The following IFNG-AS1 variants were observed in gnomAD, a reference collection of about 807,000 sequenced individuals.
The protein encoded by IFNG-AS1 is IFNG antisense RNA 1 (non-protein coding).
intron 2 of IFNG-AS1, among the ~76,000 whole-genome samples, chr12:67,997,678 C>T (rs1304042624): frequency 5.3e-5 from 8 of 150,476 alleles, no homozygotes; most frequent in African/African-American, 1.9e-4. Flanking sequence ...AATTTTAATG[C>T]ATGGCAAAAA....
chr12:67,998,716 T>C (rs1457966763), intron 2 of IFNG-AS1, among the ~76,000 whole-genome samples: 1 of 152,066 alleles, frequency 6.6e-6, no homozygotes, highest in Non-Finnish European at 1.5e-5. Context: ...CCTAACTCAA[T>C]TACAAACCAC....
chr12:67,999,112 T>C (rs1879708083), intron 2 of IFNG-AS1, among the ~76,000 whole-genome samples: 1 of 151,994 alleles, frequency 6.6e-6, no homozygotes, highest in African/African-American at 2.4e-5. Context: ...TGATAGATAA[T>C]AGATAATAGA....
intron 2 of IFNG-AS1, among the ~76,000 whole-genome samples, chr12:68,003,896 C>T (rs1287790368): frequency 7.1e-6 from 1 of 141,252 alleles, no homozygotes; most frequent in African/African-American, 2.6e-5. Flanking sequence ...GAGAGTGAGA[C>T]TCCGTCTCCA....
chr12:68,012,802 A>G (rs1378397263), intron 3 of IFNG-AS1, among the ~76,000 whole-genome samples: 1 of 152,226 alleles, frequency 6.6e-6, no homozygotes, highest in African/African-American at 2.4e-5. Flanking sequence ...AGCGATGCAT[A>G]GAGTTCAGGA....
At chr12:67,998,797 GTAT>G (rs1182955373) in intron 2 of IFNG-AS1, among the ~76,000 whole-genome samples, 1 of 152,036 alleles carries the variant, frequency 6.6e-6, no homozygotes, top group Non-Finnish European at 1.5e-5. Context: ...TTATATACAT[GTAT>G]TATTAATACA....
intron 3 of IFNG-AS1, among the ~76,000 whole-genome samples, chr12:68,012,927 T>C (rs1239976082): frequency 6.6e-6 from 1 of 152,080 alleles, no homozygotes; most frequent in African/African-American, 2.4e-5. Context: ...AGAGCTCCCT[T>C]GGGGATAGAG....
At chr12:68,003,777 G>A (rs1167829424) in intron 2 of IFNG-AS1, among the ~76,000 whole-genome samples, 3 of 151,960 alleles carry the variant, frequency 2.0e-5, no homozygotes, top group Non-Finnish European at 4.4e-5. Flanking sequence ...CATGGTAGCG[G>A]GTGTCTGTAG....
intron 1 of IFNG-AS1, among the ~76,000 whole-genome samples, chr12:67,992,468 A>G (rs1879539134): frequency 6.6e-6 from 1 of 152,244 alleles, no homozygotes; most frequent in African/African-American, 2.4e-5. Context: ...TGGAGGACAC[A>G]TATACTGTTA....
intron 1 of IFNG-AS1, among the ~76,000 whole-genome samples, chr12:67,992,555 G>A (rs774842151): frequency 1.3e-5 from 2 of 152,080 alleles, no homozygotes; most frequent in Middle Eastern, 3.4e-3. Flanking sequence ...CCTTGCCCAC[G>A]TGCAACATTT....
At chr12:68,001,789 C>G (rs1879775453) in intron 2 of IFNG-AS1, among the ~76,000 whole-genome samples, 1 of 152,122 alleles carries the variant, frequency 6.6e-6, no homozygotes, top group Non-Finnish European at 1.5e-5. Flanking sequence ...AAAATGAACT[C>G]AAACCCTAAC....
chr12:68,004,089 G>T (rs1365364136), intron 2 of IFNG-AS1, among the ~76,000 whole-genome samples: 1 of 152,080 alleles, frequency 6.6e-6, no homozygotes, highest in Non-Finnish European at 1.5e-5. Flanking sequence ...ACCTGAGTGG[G>T]CTTGGGTATG....
intron 2 of IFNG-AS1, among the ~76,000 whole-genome samples, chr12:68,003,631 T>G (rs906024356): frequency 6.6e-6 from 1 of 152,098 alleles, no homozygotes; most frequent in African/African-American, 2.4e-5. Context: ...GAATCCGTAT[T>G]AGGCCGGGCG....
intron 3 of IFNG-AS1, among the ~76,000 whole-genome samples, chr12:68,012,829 A>G (rs1455370338): frequency 6.6e-6 from 1 of 152,224 alleles, no homozygotes; most frequent in South Asian, 2.1e-4. Flanking sequence ...GGCCTTTGCT[A>G]TCAAGTGCAG....
intron 3 of IFNG-AS1, among the ~76,000 whole-genome samples, chr12:68,015,836 C>A (rs1331119733): frequency 6.6e-6 from 1 of 152,094 alleles, no homozygotes; most frequent in African/African-American, 2.4e-5. Context: ...GTAACTTACC[C>A]ACCAGTATAG....
At chr12:67,995,722 C>CA (rs34179056) in intron 1 of IFNG-AS1, among the ~76,000 whole-genome samples, 12,761 of 76,952 alleles carry the variant, frequency 0.17, 612 homozygotes, top group Middle Eastern at 0.27. Context: ...ACTCGGTCTC[C>CA]AAAAAAAAAA....
At chr12:68,012,579 A>G (rs1880057178) in intron 3 of IFNG-AS1, among the ~76,000 whole-genome samples, 1 of 152,220 alleles carries the variant, frequency 6.6e-6, no homozygotes, top group Admixed American at 6.5e-5. Context: ...TTCATGTCAA[A>G]GCCACAGACA....
intron 1 of IFNG-AS1, among the ~76,000 whole-genome samples, chr12:67,989,752 T>C (rs1333387784): frequency 2.0e-5 from 3 of 151,718 alleles, no homozygotes; most frequent in African/African-American, 7.3e-5. Context: ...AAGGCTGGGG[T>C]GGAGAGGAGG....
chr12:68,017,367 C>G (rs2120481653), intron 3 of IFNG-AS1, among the ~76,000 whole-genome samples: 1 of 152,236 alleles, frequency 6.6e-6, no homozygotes, highest in Non-Finnish European at 1.5e-5. Flanking sequence ...GATCCCATCA[C>G]TGTAGCAGTG....
chr12:67,991,954 A>G (rs1019972685), intron 1 of IFNG-AS1, among the ~76,000 whole-genome samples: 10 of 152,116 alleles, frequency 6.6e-5, no homozygotes, highest in African/African-American at 2.2e-4. Flanking sequence ...GCTCTTAGTT[A>G]TTTTCTCATA....
Sources: gnomAD v4.1 joint callset for allele counts (sites outside exome capture counted in the v4.1 genomes callset) on GRCh38, gnomAD v4.1.1 for gene constraint, MANE v1.5 for transcripts, NCBI Gene and HGNC (gene_info 2026-07-23, HGNC 2026-07-21) for gene names.